CACNA1A: variants seen among roughly 807,000 people sequenced by gnomAD.
CACNA1A encodes voltage-dependent P/Q-type calcium channel subunit alpha-1A.
In CACNA1A, 57 loss-of-function variants were observed where a neutral mutation model predicts 262.4. That is an observed-to-expected ratio of 0.22 (90% CI 0.18 to 0.27). CACNA1A has a LOEUF of 0.27. Among genes scored for constraint, CACNA1A ranks in the 10% least tolerant of loss-of-function variants. The pLI is 1.00. For missense variants in CACNA1A, 2,526 were observed against 3,562.8 expected, an observed-to-expected ratio of 0.71 and a Z score of 7.41; for synonymous variants, 1,431 against 1,419.3, an observed-to-expected ratio of 1.01 and a Z score of -0.18.
chr19:13,262,698 T>C (rs1568473032), intron 25 of CACNA1A, 36 bp downstream of exon 25: 5 of 1,301,098 alleles, frequency 3.8e-6, no homozygotes, highest in Admixed American at 3.6e-5. Flanking sequence ...ACCCTGACAG[T>C]CCCCCCCACC....
At chr19:13,229,056 C>T (rs892595831) in intron 36 of CACNA1A, 5 of 171,298 alleles carry the variant, frequency 2.9e-5, no homozygotes, top group Non-Finnish European at 5.3e-5. Flanking sequence ...ACATGGGCTA[C>T]AGGGGTGGGG....
At chr19:13,309,816 A>C (rs2057981826) in intron 12 of CACNA1A, among the ~76,000 whole-genome samples, 1 of 152,234 alleles carries the variant, frequency 6.6e-6, no homozygotes. Flanking sequence ...CTTAAAAAAA[A>C]CTGAGGTGAA....
intron 6 of CACNA1A, among the ~76,000 whole-genome samples, chr19:13,349,693 G>A (rs1022234565): frequency 6.6e-6 from 1 of 152,226 alleles, no homozygotes; most frequent in African/African-American, 2.4e-5. Context: ...TGTTGACACT[G>A]AGTGAGACAG....
At chr19:13,503,989 G>T (rs1266894721) in intron 1 of CACNA1A, among the ~76,000 whole-genome samples, 1 of 152,068 alleles carries the variant, frequency 6.6e-6, no homozygotes, top group Non-Finnish European at 1.5e-5. Context: ...CTGGACAGAG[G>T]TAAGCTAAGG....
At chr19:13,469,458 C>CTTTTTTTTTTTTTTTTTTTTT (rs1568678224) in intron 1 of CACNA1A, among the ~76,000 whole-genome samples, 1 of 133,708 alleles carries the variant, frequency 7.5e-6, no homozygotes, top group African/African-American at 2.9e-5. Flanking sequence ...CTTGAACCAC[C>CTTTTTTTTTTTTTTTTTTTTT]TCTTTTTTTT....
In CACNA1A at chr19:13,208,786, G is replaced by A. The variant is rs375958273; in HGVS notation, c.6750C>T (p.Ser2250=). The change falls in exon 46 of 47, where the codon AGC becomes AGT. Residue 2250 remains serine, a synonymous_variant. Coordinates refer to ENST00000360228, the MANE Select transcript of CACNA1A (RefSeq NM_001127222.2). The part of the protein sequence containing the change: ...ARDQRWSRSP[S]EGREHMAHRQ... ...GGTGCGCCATGTGCTCTCGGCCCTC[G>A]CTGGGCGAGCGGGACCAGCGCTGGT... 2.8e-5 allele frequency: 44 copies of A among 1,562,674 alleles called. No homozygotes were observed. The highest frequency in any genetic ancestry group is 4.7e-5 in the East Asian group (2 of 42,878).
intron 38 of CACNA1A, among the ~76,000 whole-genome samples, chr19:13,216,378 C>T (rs1161425326): frequency 6.6e-6 from 1 of 152,124 alleles, no homozygotes; most frequent in African/African-American, 2.4e-5. Flanking sequence ...CGCTCTGTCA[C>T]TCAGGCTGGA....
At position 13,214,637 on chromosome 19, in the gene CACNA1A, C is replaced by T. The variant is rs2054933148; in HGVS notation, c.5732-29G>A. The stretch of plus-strand genomic sequence containing the variant: ...CAATGGGGGTGTAGACAGACCCTGA[C>T]TGCCTGCCTGGGTGTCAGCTGGACT... On this transcript the variant is annotated intron_variant, in intron 38 of 46. Transcript: ENST00000360228. The surrounding 1 kb of genome is among the most constrained non-coding windows in gnomAD (Gnocchi z 4.1). 1.3e-6 allele frequency: 2 copies of T among 1,559,574 alleles called. No homozygotes were observed. The highest frequency in any genetic ancestry group is 1.1e-5 in the South Asian group (1 of 88,730).
chr19:13,208,308 CAA>C (rs1433111106), intron 46 of CACNA1A, among the ~76,000 whole-genome samples: 1 of 151,324 alleles, frequency 6.6e-6, no homozygotes, highest in Admixed American at 6.6e-5. Context: ...ACCAACACAA[CAA>C]AGTGAAAAGA....
chr19:13,345,456 C>CT (rs1372681303), intron 6 of CACNA1A, among the ~76,000 whole-genome samples: 2 of 152,166 alleles, frequency 1.3e-5, no homozygotes, highest in Non-Finnish European at 2.9e-5. Context: ...ATCCCAGTAT[C>CT]GCTGGTGGTG....
Position 13,209,372 on chromosome 19 carries a change from G to T in CACNA1A, c.6466C>A (p.Arg2156Ser). ...TCAGAGGCGCGGTGGCTGCGGTCGCGGCGCCGCTGGTGGTGCCGCTGGTTC... is the reference window on the plus strand; with the variant it reads ...TCAGAGGCGCGGTGGCTGCGGTCGCTGCGCCGCTGGTGGTGCCGCTGGTTC... ...EENQRHHQRRRDRSHRASERS... is the reference protein window; with the variant it reads ...EENQRHHQRRSDRSHRASERS... Residue 2156 changes from arginine to serine, a missense_variant, in exon 45 of 47, where the codon CGC (arginine) becomes AGC (serine). By Grantham distance (110) the Arg-to-Ser change is moderately radical. This residue lies in a region of CACNA1A where 929 missense variants were observed against 868.1 expected (regional missense o/e 1.07). Transcript: ENST00000360228. 7.2e-7 allele frequency: 1 copy of T among 1,395,710 alleles called. No homozygotes were observed. Among genetic ancestry groups the T allele is most frequent in the Non-Finnish European group, 9.3e-7 (1 of 1,071,072 alleles). The allele number at this position is 1,395,710 out of a possible 1,614,324, so 86.5% of individuals were successfully genotyped here. A position where few individuals can be genotyped will look rare whatever the true frequency, so the allele number is the denominator to read the frequency against.
rs1277243001 is a variant in CACNA1A at position 13,227,624 on chromosome 19, GAAGA to G, written c.5529-101_5529-98del. 30 of 477,602 alleles carry G rather than the reference GAAGA, an allele frequency of 6.3e-5. No homozygotes were observed. In the East Asian group the frequency reaches 8.9e-4, roughly 14 times the overall value. 29.6% of individuals were successfully genotyped at this position (477,602 alleles called of 1,614,324 possible). ...AAAGGAAGAGAGGTGGGGAGAAACA[GAAGA>G]AAGAAAAAAGAAATCCACACGAGCC... On this transcript the variant is annotated intron_variant, in intron 36 of 46. Coordinates refer to ENST00000360228, the MANE Select transcript of CACNA1A (RefSeq NM_001127222.2).
intron 3 of CACNA1A, among the ~76,000 whole-genome samples, chr19:13,423,309 A>T: frequency 6.6e-6 from 1 of 152,270 alleles, no homozygotes; most frequent in African/African-American, 2.4e-5. Flanking sequence ...TTTATGGCAG[A>T]GTGCGTGATG....
rs1201781329 is a variant in CACNA1A at position 13,332,375 on chromosome 19, G to C, written c.1255+494C>G. Among the ~76,000 whole-genome samples, 3 of 151,942 alleles carry C rather than the reference G, an allele frequency of 2.0e-5. No individual in the cohort carries two copies. The East Asian group carries it at 5.8e-4, about 29-fold the overall frequency. On this transcript the variant is annotated intron_variant, in intron 9 of 46. Transcript: ENST00000360228. Reference sequence around the variant, plus strand: ...AGATCGTGTGACTGCACTCCAGCCTGGGTGACAGAGCGAGACTCTGTCTCA... The same window carrying C: ...AGATCGTGTGACTGCACTCCAGCCTCGGTGACAGAGCGAGACTCTGTCTCA...
chr19:13,281,379 TAAAA>T (rs753890670), intron 22 of CACNA1A, among the ~76,000 whole-genome samples: 1 of 102,824 alleles, frequency 9.7e-6, no homozygotes, highest in Admixed American at 1.1e-4. Context: ...CATTGTCTCT[TAAAA>T]AAAAAAAAAA....
intron 4 of CACNA1A, among the ~76,000 whole-genome samples, chr19:13,367,294 CAAA>C (rs71168702): frequency 1.9e-4 from 12 of 64,790 alleles, no homozygotes; most frequent in African/African-American, 7.7e-4. Flanking sequence ...GACTCTGTCT[CAAA>C]AAAAAAAAAA....
chr19:13,307,659 A>C, intron 15 of CACNA1A, 123 bp downstream of exon 15: 1 of 725,304 alleles, frequency 1.4e-6, no homozygotes, highest in Non-Finnish European at 2.4e-6. Context: ...TCTGTGTTTC[A>C]AAGTGGTGTG....
intron 3 of CACNA1A, among the ~76,000 whole-genome samples, chr19:13,413,251 C>A (rs924360216): frequency 3.3e-5 from 5 of 151,766 alleles, no homozygotes; most frequent in African/African-American, 1.2e-4. Flanking sequence ...GGACTACAGG[C>A]GCCCGCCACC....
intron 43 of CACNA1A, 91 bp from the exon 44 acceptor site, chr19:13,210,743 A>G (rs2054782266): frequency 2.3e-6 from 3 of 1,309,360 alleles, no homozygotes; most frequent in African/African-American, 1.5e-5. Context: ...GAGGTGGTGC[A>G]TGGAGAAGAA....
Sources: gnomAD v4.1 joint callset for allele counts (sites outside exome capture counted in the v4.1 genomes callset) on GRCh38, gnomAD v4.1.1 for gene constraint, gnomAD v4.1.1 regional missense constraint, Gnocchi (gnomAD v3.1) non-coding constraint, MANE v1.5 for transcripts, NCBI Gene and HGNC (gene_info 2026-07-23, HGNC 2026-07-21) for gene names.